ISCU: variants seen among roughly 807,000 people sequenced by gnomAD.
The protein encoded by ISCU is iron-sulfur cluster assembly enzyme, also known as iron-sulfur cluster assembly enzyme ISCU.
A neutral mutation model predicts 18.4 loss-of-function variants in ISCU; 13 were observed. That is an observed-to-expected ratio of 0.71 (90% confidence interval 0.46 to 1.12). The LOEUF (loss-of-function observed/expected upper bound fraction) is 1.12. ISCU is among the 50% of genes most tolerant of loss of function. The probability of loss-of-function intolerance (pLI) is 0.00; values close to 1 mark genes in which losing one functional copy is unlikely to be tolerated. For missense variants in ISCU, 229 were observed against 208.7 expected (o/e 1.10, Z -0.60); for synonymous variants, 104 against 87.5 (o/e 1.19, Z -1.06).
rs148163917 is a variant in ISCU at position 108,564,453 on chromosome 12, C to A, written c.228+61C>A. The stretch of plus-strand genomic sequence containing the variant: ...TCCCTTTAAGTTTACAAAGCACTTG[C>A]GCATTTCACTTGGTCTCCATCTTTA... On this transcript the variant is annotated intron_variant, in intron 2 of 4. Transcript: ENST00000311893. 5 of 1,152,164 alleles carry A rather than the reference C, an allele frequency of 4.3e-6. No individual in the cohort carries two copies. In the African/African-American group the frequency reaches 4.6e-5, roughly 11 times the overall value. The allele number at this position is 1,152,164 out of a possible 1,614,324, so 71.4% of individuals were successfully genotyped here.
Position 108,562,699 on chromosome 12 carries a change from G to A in ISCU, c.77G>A (p.Arg26Gln). The A allele has an allele frequency of 1.3e-6, 2 of 1,488,202 alleles. No homozygotes were observed. The highest frequency in any genetic ancestry group is 2.7e-5 in the East Asian group (1 of 36,538). The allele number at this position is 1,488,202 out of a possible 1,614,324, so 92.2% of individuals were successfully genotyped here. ...LLLRSPRLPA[R>Q]ELSAPARLYH... is the part of the protein sequence containing the mutation. Reference sequence around the variant, plus strand: ...CTGCGGAGCCCCCGCCTGCCCGCCCGGGAGCTGTCGGCCCCGGCCCGACTC... The same window carrying A: ...CTGCGGAGCCCCCGCCTGCCCGCCCAGGAGCTGTCGGCCCCGGCCCGACTC... Residue 26 changes from arginine to glutamine, a missense_variant, in exon 1 of 5, where the codon CGG becomes CAG. Transcript: ENST00000311893.
chr12:108,565,359 G>A lies in ISCU; in HGVS notation c.267G>A (p.Arg89=). 6.2e-7 allele frequency: 1 copy of A among 1,614,132 alleles called. No homozygotes were observed. Residue 89 remains arginine (R), a synonymous_variant, in exon 3 of 5, where the codon AGG becomes AGA. Coordinates refer to ENST00000311893, the MANE Select transcript of ISCU (RefSeq NM_213595.4). ...VDEKGKIVDA[R]FKTFGCGSAI... ...AAAAGGGGAAGATTGTGGATGCTAG[G>A]TTTAAAACATTTGGCTGTGGTTCCG...
At chr12:108,562,364 C>T (rs1223893778), upstream of ISCU, among the ~76,000 whole-genome samples, 1 of 149,520 alleles carries the variant, frequency 6.7e-6, no homozygotes, top group African/African-American at 2.4e-5. Context: ...TGCAGAAGCC[C>T]TGAGGTCCTG....
At position 108,564,132 on chromosome 12, in the gene ISCU, A is replaced by C. The variant is rs748614951; in HGVS notation, c.115-147A>C. On this transcript the variant is annotated intron_variant, in intron 1 of 4. Transcript: ENST00000311893. ...GGGGTCACAAATGGTTCTCATTGAC[A>C]TGAGTGTAGACCTTTCTACTCAGGT... 6 of 1,613,022 alleles carry C rather than the reference A, an allele frequency of 3.7e-6. 1 individual carries two copies. The highest frequency in any genetic ancestry group is 4.2e-6 in the Non-Finnish European group (5 of 1,178,952).
At chr12:108,568,779 C>T (rs995584915) in intron 4 of ISCU, 52 bp from the exon 5 acceptor site, 2 of 1,578,836 alleles carry the variant, frequency 1.3e-6, no homozygotes, top group Admixed American at 1.8e-5. Flanking sequence ...ATTCCCAAGT[C>T]CATTTCTTTC....
At position 108,566,960 on chromosome 12, in the gene ISCU, T is replaced by A. The variant is rs7137157; in HGVS notation, c.340-230T>A. ...CTGACTTAGAGAAGTGTCTGGGCTGTCTTTGCTTACCCAAGCCAGGCAGTG... is the reference window on the plus strand; with the variant it reads ...CTGACTTAGAGAAGTGTCTGGGCTGACTTTGCTTACCCAAGCCAGGCAGTG... On this transcript the variant is annotated intron_variant, in intron 3 of 4. Coordinates refer to ENST00000311893, the MANE Select transcript of ISCU (RefSeq NM_213595.4). Among the ~76,000 whole-genome samples, 7,231 of 152,276 alleles carry A rather than the reference T, an allele frequency of 0.047. 574 individuals carry two copies. Among genetic ancestry groups the A allele is most frequent in the African/African-American group, 0.16 (6,809 of 41,514 alleles).
intron 1 of ISCU, chr12:108,563,735 G>A: frequency 3.0e-6 from 1 of 338,928 alleles, no homozygotes; most frequent in South Asian, 2.5e-5. Flanking sequence ...GCCAGGGTGC[G>A]CTGCTGCACC....
At chr12:108,563,076 C>T in intron 1 of ISCU, 1 of 192,704 alleles carries the variant, frequency 5.2e-6, no homozygotes, top group Non-Finnish European at 1.1e-5. Flanking sequence ...TTCAGCCACT[C>T]CGCTGCCCTG....
chr12:108,567,835 G>C, intron 4 of ISCU: 2 of 1,502,924 alleles, frequency 1.3e-6, no homozygotes, highest in Non-Finnish European at 1.8e-6. Flanking sequence ...AAAAAGCCCA[G>C]ATGCCTTAAG....
rs534739463 is a variant in ISCU at position 108,569,075 on chromosome 12, C to G, written c.*159C>G. ...TTATGACTCTCATGCAAGCAAAATA[C>G]ACAGTTTCATTGTTCTGAATCCTGT... On this transcript the variant is annotated 3_prime_UTR_variant, in exon 5 of 5. Transcript: ENST00000311893. 79 of 678,084 alleles carry G rather than the reference C, an allele frequency of 1.2e-4. No individual in the cohort carries two copies. In the South Asian group the frequency reaches 1.3e-3, roughly 11 times the overall value. The allele number at this position is 678,084 out of a possible 1,614,324, so 42.0% of individuals were successfully genotyped here.
At chr12:108,567,126 A>T in intron 3 of ISCU, 64 bp from the exon 4 acceptor site, 1 of 1,253,760 alleles carries the variant, frequency 8.0e-7, no homozygotes, top group Non-Finnish European at 1.2e-6. Flanking sequence ...TCCCTTTTTT[A>T]TTGGCTGGCC....
At chr12:108,567,484 A>C (rs1193880787) in intron 4 of ISCU, 1 of 719,936 alleles carries the variant, frequency 1.4e-6, no homozygotes, top group African/African-American at 1.7e-5. Flanking sequence ...ACCAGCCATC[A>C]TACTGAGCAC....
rs573198868 is a variant in ISCU at position 108,567,940 on chromosome 12, A to G, written c.418+672A>G. 3.5e-6 allele frequency: 5 copies of G among 1,419,524 alleles called. No individual in the cohort carries two copies. The Admixed American group carries it at 9.8e-5, about 28-fold the overall frequency. The allele number at this position is 1,419,524 out of a possible 1,614,324, so 87.9% of individuals were successfully genotyped here. A position where few individuals can be genotyped will look rare whatever the true frequency, so the allele number is the denominator to read the frequency against. On this transcript the variant is annotated intron_variant, in intron 4 of 4. Coordinates refer to ENST00000311893, the MANE Select transcript of ISCU (RefSeq NM_213595.4). The stretch of plus-strand genomic sequence containing the variant: ...CTCAGGGAAAGAAGGAATGAGAAAC[A>G]TTAGCCTTAATGCATCGATGGAGGT...
intron 1 of ISCU, 64 bp from the exon 2 acceptor site, chr12:108,564,215 C>A: frequency 6.4e-7 from 1 of 1,560,302 alleles, no homozygotes; most frequent in Non-Finnish European, 8.8e-7. Context: ...AGGAGCTTAC[C>A]ATCAAACCAG....
intron 1 of ISCU, chr12:108,563,878 T>A (rs548045506): frequency 1.6e-6 from 1 of 612,338 alleles, no homozygotes; most frequent in South Asian, 1.9e-5. Context: ...TTTCCCTCCC[T>A]GGGCCATGGT....
rs918807914 is a variant in ISCU at position 108,562,630 on chromosome 12, C to T, written c.8C>T (p.Ala3Val). 5 of 1,469,826 alleles carry T rather than the reference C, an allele frequency of 3.4e-6. No homozygotes were observed. The African/African-American group carries it at 4.4e-5, about 13-fold the overall frequency. The allele number at this position is 1,469,826 out of a possible 1,614,324, so 91.0% of individuals were successfully genotyped here. A position where few individuals can be genotyped will look rare whatever the true frequency, so the allele number is the denominator to read the frequency against. MA[A>V]AGAFRLRRAA... is the part of the protein sequence containing the mutation. ...CAGGCGCAAGCCGGCAAGATGGCGG[C>T]GGCTGGGGCTTTCCGTCTGAGGCGG... Residue 3 changes from alanine to valine, a missense_variant, in exon 1 of 5, where the codon GCG becomes GTG. Coordinates refer to ENST00000311893, the MANE Select transcript of ISCU (RefSeq NM_213595.4).
rs1232441674 is a variant in ISCU at position 108,569,166 on chromosome 12, C to G, written c.*250C>G. On this transcript the variant is annotated 3_prime_UTR_variant, in exon 5 of 5. Coordinates refer to ENST00000311893, the MANE Select transcript of ISCU (RefSeq NM_213595.4). Reference sequence around the variant, plus strand: ...TGTATATTTTGAATTGTGTGTATGACCTCAGAACTGAAATTGATAATGAAG... The same window carrying G: ...TGTATATTTTGAATTGTGTGTATGAGCTCAGAACTGAAATTGATAATGAAG... The G allele has an allele frequency of 6.0e-6, 3 of 504,156 alleles. No individual in the cohort carries two copies. The highest frequency in any genetic ancestry group is 1.1e-5 in the Non-Finnish European group (3 of 278,612). 31.2% of individuals were successfully genotyped at this position (504,156 alleles called of 1,614,324 possible).
chr12:108,562,528 A>C (rs544494044), upstream of ISCU: 1 of 643,392 alleles, frequency 1.6e-6, no homozygotes, highest in African/African-American at 1.9e-5. Flanking sequence ...AGCTTCGGTG[A>C]CGTCAGAGAG....
intron 4 of ISCU, chr12:108,568,527 T>C: frequency 8.7e-6 from 11 of 1,270,748 alleles, no homozygotes; most frequent in Non-Finnish European, 1.1e-5. Context: ...CCCCACACTA[T>C]CCTGGCAAGA....
Sources: gnomAD v4.1 joint callset for allele counts (sites outside exome capture counted in the v4.1 genomes callset) on GRCh38, gnomAD v4.1.1 for gene constraint, MANE v1.5 for transcripts, NCBI Gene and HGNC (gene_info 2026-07-23, HGNC 2026-07-21) for gene names.